PPP2R5C: variants seen among roughly 807,000 people sequenced by gnomAD.
PPP2R5C encodes the protein serine/threonine-protein phosphatase 2A 56 kDa regulatory subunit gamma isoform.
Under a neutral mutation model 68.9 loss-of-function variants are expected in PPP2R5C, and 7 were observed. The ratio of observed to expected loss-of-function variants is 0.10; its 90% confidence interval spans 0.06 to 0.19. The LOEUF is 0.19. PPP2R5C is among the 10% of genes least tolerant of loss of function. PPP2R5C has a pLI of 1.00. For missense variants in PPP2R5C, 348 were observed against 641.3 expected (o/e 0.54, Z 4.94); for synonymous variants, 210 against 222.2 (o/e 0.95, Z 0.49).
At chr14:101,873,853 G>A (rs1176042831) in intron 2 of PPP2R5C, among the ~76,000 whole-genome samples, 3 of 152,134 alleles carry the variant, frequency 2.0e-5, no homozygotes, top group African/African-American at 7.2e-5. Flanking sequence ...GGTGTGGGAC[G>A]TGCCTCACTT....
intron 1 of PPP2R5C, among the ~76,000 whole-genome samples, chr14:101,816,412 A>G (rs2039672495): frequency 2.0e-5 from 3 of 152,228 alleles, no homozygotes; most frequent in Non-Finnish European, 1.5e-5. Context: ...AGGCCCTTGA[A>G]TTACACATAA....
chr14:101,862,561 A>G (rs953637624), intron 2 of PPP2R5C, among the ~76,000 whole-genome samples: 1 of 152,200 alleles, frequency 6.6e-6, no homozygotes, highest in Non-Finnish European at 1.5e-5. Flanking sequence ...GATGTAGACA[A>G]TGACCTAAAA....
rs908341151 is a variant in PPP2R5C, at chr14:101,916,006, G to A, written c.1327-1825G>A. On this transcript the variant is annotated intron_variant, in intron 12 of 13. Coordinates refer to ENST00000334743, the Ensembl canonical transcript of PPP2R5C. The surrounding 1 kb of genome is among the most constrained non-coding windows in gnomAD (Gnocchi z 5.5). Reference sequence around the variant, plus strand: ...AGGGACACAGTGGGTGACAGGTGTCGGTCCTGGTGGGGTGTCAGTTATGGG... The same window carrying A: ...AGGGACACAGTGGGTGACAGGTGTCAGTCCTGGTGGGGTGTCAGTTATGGG... 7.2e-5 allele frequency among the ~76,000 whole-genome samples: 11 copies of A among 152,162 alleles called. No individual in the cohort carries two copies. Among genetic ancestry groups the A allele is most frequent in the Non-Finnish European group, 1.3e-4 (9 of 68,024 alleles).
At chr14:101,851,312 T>A (rs996950348) in intron 1 of PPP2R5C, among the ~76,000 whole-genome samples, 4 of 152,090 alleles carry the variant, frequency 2.6e-5, no homozygotes, top group Admixed American at 6.5e-5. Flanking sequence ...ATGCCTGTAG[T>A]CCCAGCTACT....
At chr14:101,760,589 G>A (rs1344397807), upstream of PPP2R5C, 4 of 650,692 alleles carry the variant, frequency 6.1e-6, no homozygotes, top group South Asian at 6.8e-5. Flanking sequence ...TGCGGAGGGC[G>A]GGACCAACCA....
Position 101,906,640 on chromosome 14 carries a change from G to A in PPP2R5C, c.1151+111G>A. The A allele has an allele frequency of 7.2e-7, 1 of 1,384,404 alleles. No individual in the cohort carries two copies. The highest frequency in any genetic ancestry group is 2.4e-5 in the Admixed American group (1 of 41,142). 85.8% of individuals were successfully genotyped at this position (1,384,404 alleles called of 1,614,324 possible). A position where few individuals can be genotyped will look rare whatever the true frequency, so the allele number is the denominator to read the frequency against. Reference sequence around the variant, plus strand: ...ATTTTAAATATCAATTAAAAAACAAGAAGGTCAGTTGCTTTGTGGACTCAT... The same window carrying A: ...ATTTTAAATATCAATTAAAAAACAAAAAGGTCAGTTGCTTTGTGGACTCAT... On this transcript the variant is annotated intron_variant, in intron 10 of 13. Transcript: ENST00000334743. This position sits in a 1 kb window ranked among gnomAD's most constrained non-coding sequence, Gnocchi z 4.0.
chr14:101,779,449 G>C (rs897654058), intron 2 of PPP2R5C, among the ~76,000 whole-genome samples: 1 of 152,160 alleles, frequency 6.6e-6, no homozygotes. Flanking sequence ...AGAACTGAAG[G>C]CTGAGTAGAT....
chr14:101,823,633 C>T (rs1336856480), intron 1 of PPP2R5C: 1 of 458,138 alleles, frequency 2.2e-6, no homozygotes, highest in African/African-American at 2.1e-5. Context: ...ATTAGTCCTA[C>T]TTTGACAGCG....
intron 1 of PPP2R5C, among the ~76,000 whole-genome samples, chr14:101,811,872 A>T (rs79571346): frequency 0.075 from 11,326 of 151,576 alleles, 439 homozygotes; most frequent in Non-Finnish European, 0.084. Context: ...TTTTTTTTTT[A>T]AAATTCCAAG....
intron 1 of PPP2R5C, among the ~76,000 whole-genome samples, chr14:101,826,700 T>C (rs2040419104): frequency 6.6e-6 from 1 of 152,220 alleles, no homozygotes; most frequent in South Asian, 2.1e-4. Context: ...AGCTTAGCAA[T>C]GTTCCTTGTC....
intron 13 of PPP2R5C, among the ~76,000 whole-genome samples, chr14:101,922,671 TAGCC>T (rs2047077021): frequency 1.4e-5 from 2 of 139,968 alleles, no homozygotes; most frequent in African/African-American, 5.5e-5. Context: ...AAAAAAAAAA[TAGCC>T]AGGCATGTGG....
At chr14:101,761,170 G>A (rs976668743), upstream of PPP2R5C, among the ~76,000 whole-genome samples, 1 of 152,178 alleles carries the variant, frequency 6.6e-6, no homozygotes, top group Admixed American at 6.5e-5. Flanking sequence ...GTGCGCCTCA[G>A]TGCAAAGCGT....
intron 5 of PPP2R5C, among the ~76,000 whole-genome samples, chr14:101,886,167 G>C (rs1450357400): frequency 1.3e-5 from 2 of 152,082 alleles, no homozygotes; most frequent in African/African-American, 2.4e-5. Flanking sequence ...TGTAGTCCCA[G>C]CTACTCGGGA....
Position 101,825,620 on chromosome 14 carries a change from G to T in PPP2R5C, c.94+15584G>T, listed in dbSNP as rs1429851015. 6.6e-6 allele frequency among the ~76,000 whole-genome samples: 1 copy of T among 152,146 alleles called. No homozygotes were observed. Among genetic ancestry groups the T allele is most frequent in the African/African-American group, 2.4e-5 (1 of 41,434 alleles). On this transcript the variant is annotated intron_variant, in intron 1 of 13. Transcript: ENST00000334743. The surrounding 1 kb of genome is among the most constrained non-coding windows in gnomAD (Gnocchi z 4.0). Reference sequence around the variant, plus strand: ...GTGTCACTCCAATTCCATCATTCAGGTTTCACTGAACTTTCATGTTGGCAT... The same window carrying T: ...GTGTCACTCCAATTCCATCATTCAGTTTTCACTGAACTTTCATGTTGGCAT...
rs533382605 is a variant in PPP2R5C, at chr14:101,826,397, A to G, written c.94+16361A>G. 6.6e-5 allele frequency among the ~76,000 whole-genome samples: 10 copies of G among 152,298 alleles called. No homozygotes were observed. The South Asian group carries it at 2.1e-3, about 32-fold the overall frequency. ...TCCCAGAACCATTTGTTGAAAAAAC[A>G]ATTATTTCCCTCATTGAATGGATTT... On this transcript the variant is annotated intron_variant, in intron 1 of 13. Transcript: ENST00000334743.
At chr14:101,760,709 C>G (rs2036451023), upstream of PPP2R5C, 8 of 927,062 alleles carry the variant, frequency 8.6e-6, no homozygotes, top group African/African-American at 2.5e-5. Flanking sequence ...GCGGGAGGAG[C>G]TGCGGAAAGC....
intron 2 of PPP2R5C, among the ~76,000 whole-genome samples, chr14:101,860,263 C>G (rs1163232377): frequency 2.0e-5 from 3 of 152,170 alleles, no homozygotes; most frequent in Non-Finnish European, 4.4e-5. Flanking sequence ...ATGGATTTGC[C>G]TGTTGTGGAC....
At chr14:101,816,717 T>C (rs1028384850) in intron 1 of PPP2R5C, among the ~76,000 whole-genome samples, 28 of 151,538 alleles carry the variant, frequency 1.8e-4, no homozygotes, top group African/African-American at 6.6e-4. Context: ...CTTTAAATGG[T>C]AAAGAGAAAA....
At chr14:101,894,374 A>G in intron 7 of PPP2R5C, 133 bp from the exon 10 acceptor site, 1 of 670,634 alleles carries the variant, frequency 1.5e-6, no homozygotes, top group Non-Finnish European at 2.6e-6. Flanking sequence ...AATGCCCGTT[A>G]ATCACACAAG....
Sources: allele counts gnomAD v4.1 joint callset (sites outside exome capture counted in the v4.1 genomes callset), GRCh38; gene constraint gnomAD v4.1.1; non-coding constraint Gnocchi (gnomAD v3.1); transcripts MANE v1.5; gene names NCBI Gene and HGNC (gene_info 2026-07-23, HGNC 2026-07-21).